The following RYR2 variants were observed in gnomAD, a reference collection of about 807,000 sequenced individuals.
RYR2 encodes ryanodine receptor 2, also known as cardiac muscle ryanodine receptor-calcium release channel.
A neutral mutation model predicts 601.1 loss-of-function variants in RYR2; 227 were observed. That is an observed-to-expected ratio of 0.38 (90% confidence interval 0.34 to 0.42). The LOEUF (loss-of-function observed/expected upper bound fraction) is 0.42. RYR2 is among the 10% of genes least tolerant of loss of function. RYR2 has a pLI of 1.00. For synonymous variants in RYR2, 2,223 were observed against 2,175.1 expected, an observed-to-expected ratio of 1.02 and a Z score of -0.61; for missense variants, 4,646 against 6,156.5, an observed-to-expected ratio of 0.75 and a Z score of 8.21.
chr1:237,808,270 T>C (rs1344656915), intron 99 of RYR2, among the ~76,000 whole-genome samples: 1 of 152,210 alleles, frequency 6.6e-6, no homozygotes, highest in African/African-American at 2.4e-5. Context: ...TTCTATTTAG[T>C]TTAGGATATG....
intron 1 of RYR2, among the ~76,000 whole-genome samples, chr1:237,234,763 T>A (rs1026928012): frequency 3.3e-5 from 5 of 152,220 alleles, no homozygotes; most frequent in East Asian, 1.9e-4. Flanking sequence ...AATACTTTTT[T>A]AAATTGTTCT....
At chr1:237,497,134 A>G (rs959260071) in intron 20 of RYR2, among the ~76,000 whole-genome samples, 1 of 152,198 alleles carries the variant, frequency 6.6e-6, no homozygotes, top group Non-Finnish European at 1.5e-5. Context: ...TTTAGTTGCC[A>G]ACATAAAAGA....
At chr1:237,581,940 C>G (rs1195847957) in intron 29 of RYR2, among the ~76,000 whole-genome samples, 1 of 152,136 alleles carries the variant, frequency 6.6e-6, no homozygotes, top group Non-Finnish European at 1.5e-5. Context: ...TGGCCTTGGG[C>G]AAATAGCCTG....
intron 29 of RYR2, among the ~76,000 whole-genome samples, chr1:237,572,007 T>A (rs1296353686): frequency 6.6e-6 from 1 of 152,178 alleles, no homozygotes; most frequent in African/African-American, 2.4e-5. Flanking sequence ...CTACTGACCA[T>A]AGTCACCCTG....
At chr1:237,673,000 TTCC>T (rs1262016996) in intron 58 of RYR2, among the ~76,000 whole-genome samples, 1 of 152,198 alleles carries the variant, frequency 6.6e-6, no homozygotes, top group African/African-American at 2.4e-5. Flanking sequence ...AAGCAGACAT[TTCC>T]TCCTTTGCTT....
At chr1:237,522,148 G>A (rs1243802897) in intron 24 of RYR2, among the ~76,000 whole-genome samples, 1 of 152,048 alleles carries the variant, frequency 6.6e-6, no homozygotes, top group African/African-American at 2.4e-5. Context: ...AGGCCCCAGG[G>A]TGTGATGTGG....
intron 24 of RYR2, among the ~76,000 whole-genome samples, chr1:237,513,074 A>C (rs1666070909): frequency 6.6e-6 from 1 of 152,106 alleles, no homozygotes; most frequent in Non-Finnish European, 1.5e-5. Context: ...ATATTTTGAG[A>C]AAAGCTACTG....
intron 38 of RYR2, among the ~76,000 whole-genome samples, chr1:237,619,833 A>T (rs1357827009): frequency 1.3e-5 from 2 of 152,174 alleles, no homozygotes. Flanking sequence ...AGAGACGATC[A>T]CCTCAGAGTT....
At chr1:237,216,403 C>G (rs77613708) in intron 1 of RYR2, among the ~76,000 whole-genome samples, 3,071 of 152,150 alleles carry the variant, frequency 0.02, 63 homozygotes, top group South Asian at 0.085. Flanking sequence ...GTGAGGATTC[C>G]AAGCCTTAAG....
At chr1:237,632,761 TA>T (rs11296724) in intron 42 of RYR2, among the ~76,000 whole-genome samples, 60,519 of 151,544 alleles carry the variant, frequency 0.4, 12,444 homozygotes, top group African/African-American at 0.51. Flanking sequence ...AATAGTATAA[TA>T]AAAAAAAACT....
In RYR2 at chr1:237,369,590, C is replaced by T; in HGVS notation, c.366C>T (p.Arg122=). The change falls in exon 6 of 105, where the codon CGC becomes CGT. Residue 122 remains arginine, a synonymous_variant. Coordinates refer to ENST00000366574, the MANE Select transcript of RYR2 (RefSeq NM_001035.3). ...TLLYGHAILL[R]HSYSGMYLCC... ...TCTACGGACATGCCATATTGCTGCG[C>T]CATTCCTATAGTGGCATGGTGAGTA... 1 of 1,562,666 alleles carries T rather than the reference C, an allele frequency of 6.4e-7. No homozygotes were observed. Among genetic ancestry groups the T allele is most frequent in the Non-Finnish European group, 8.7e-7 (1 of 1,151,692 alleles).
intron 29 of RYR2, among the ~76,000 whole-genome samples, chr1:237,585,218 A>C (rs1559067801): frequency 6.6e-6 from 1 of 152,200 alleles, no homozygotes; most frequent in Non-Finnish European, 1.5e-5. Context: ...AGGATAAAGC[A>C]TGGGCATTGG....
At chr1:237,463,763 T>C (rs748576160) in intron 16 of RYR2, among the ~76,000 whole-genome samples, 3 of 152,194 alleles carry the variant, frequency 2.0e-5, no homozygotes, top group Non-Finnish European at 4.4e-5. Flanking sequence ...ATTTGTCTTT[T>C]GTTTTTGTAC....
chr1:237,095,194 G>A (rs1336388939), intron 1 of RYR2, among the ~76,000 whole-genome samples: 1 of 152,190 alleles, frequency 6.6e-6, no homozygotes. Flanking sequence ...GCATGTCAAA[G>A]GTATCTAAGA....
Position 237,561,999 on chromosome 1 carries a change from C to G in RYR2, c.3215-4568C>G, listed in dbSNP as rs545538898. Among the ~76,000 whole-genome samples the G allele has an allele frequency of 2.1e-4, 32 of 152,150 alleles. No individual in the cohort carries two copies. In the South Asian group the frequency reaches 6.4e-3, roughly 31 times the overall value. On this transcript the variant is annotated intron_variant, in intron 27 of 104. Coordinates refer to ENST00000366574, the MANE Select transcript of RYR2 (RefSeq NM_001035.3). ...CATTCATTTATAATAGTCTATACTG[C>G]TGTTGCTGACATTTAAAAAAAAGTC...
chr1:237,721,630 T>C (rs924458496), intron 73 of RYR2, among the ~76,000 whole-genome samples: 32 of 152,276 alleles, frequency 2.1e-4, no homozygotes, highest in African/African-American at 7.7e-4. Flanking sequence ...GCGATTCTCC[T>C]GCCTCAGCCT....
chr1:237,755,261 C>A, intron 80 of RYR2: 1 of 367,910 alleles, frequency 2.7e-6, no homozygotes, highest in Non-Finnish European at 4.8e-6. Context: ...TTTTAAACCT[C>A]TTCCATCTTC....
intron 2 of RYR2, among the ~76,000 whole-genome samples, chr1:237,302,687 A>T (rs1693480484): frequency 6.6e-6 from 1 of 152,238 alleles, no homozygotes; most frequent in Admixed American, 6.5e-5. Flanking sequence ...TATCAGACAG[A>T]CATGGAAGCC....
chr1:237,609,107 G>A (rs113940538), intron 35 of RYR2, among the ~76,000 whole-genome samples: 4,025 of 139,018 alleles, frequency 0.029, 76 homozygotes, highest in African/African-American at 0.044. Context: ...AGGCTAGAGT[G>A]CACTGATGTG....
Sources: allele counts gnomAD v4.1 joint callset (sites outside exome capture counted in the v4.1 genomes callset), GRCh38; gene constraint gnomAD v4.1.1; transcripts MANE v1.5; gene names NCBI Gene and HGNC (gene_info 2026-07-23, HGNC 2026-07-21).